ZNF644: variants seen among roughly 807,000 people sequenced by gnomAD.
ZNF644 encodes zinc finger motif enhancer binding protein 2.
A neutral mutation model predicts 108.0 loss-of-function variants in ZNF644; 20 were observed. That is an observed-to-expected ratio of 0.19 (90% CI 0.13 to 0.27). The LOEUF (loss-of-function observed/expected upper bound fraction) is 0.27, where lower values mean the gene tolerates loss of function less well. Among genes scored for constraint, ZNF644 ranks in the 10% least tolerant of loss-of-function variants. The probability of loss-of-function intolerance (pLI) is 1.00; values close to 1 mark genes in which losing one functional copy is unlikely to be tolerated. For missense variants in ZNF644, 1,338 were observed against 1,548.9 expected, an observed-to-expected ratio of 0.86 and a Z score of 2.29; for synonymous variants, 542 against 539.1, an observed-to-expected ratio of 1.01 and a Z score of -0.08.
chr1:90,930,155 G>A (rs922339810), intron 4 of ZNF644, among the ~76,000 whole-genome samples: 4 of 152,062 alleles, frequency 2.6e-5, no homozygotes, highest in African/African-American at 7.2e-5. Context: ...GCGTGATGGC[G>A]TGTGCCTGTA....
At chr1:90,970,680 T>C (rs950214072) in intron 2 of ZNF644, among the ~76,000 whole-genome samples, 1 of 152,172 alleles carries the variant, frequency 6.6e-6, no homozygotes, top group African/African-American at 2.4e-5. Context: ...AGATATCATA[T>C]GATTATCAAG....
intron 2 of ZNF644, among the ~76,000 whole-genome samples, chr1:90,947,734 C>A (rs1377439499): frequency 6.6e-6 from 1 of 152,028 alleles, no homozygotes; most frequent in Non-Finnish European, 1.5e-5. Flanking sequence ...AATGGGGTTA[C>A]CTCCCAATAA....
At chr1:91,005,180 G>A (rs1405653663) in intron 1 of ZNF644, among the ~76,000 whole-genome samples, 1 of 152,108 alleles carries the variant, frequency 6.6e-6, no homozygotes, top group African/African-American at 2.4e-5. Context: ...GAGAGTTGAT[G>A]CAGCTATTCT....
intron 1 of ZNF644, among the ~76,000 whole-genome samples, chr1:91,007,420 G>C (rs2101730336): frequency 6.6e-6 from 1 of 151,604 alleles, no homozygotes; most frequent in African/African-American, 2.4e-5. Flanking sequence ...TACCATGTTG[G>C]CCAGGCTGTT....
chr1:90,945,533 C>A lies in ZNF644; in HGVS notation c.45-4224G>T, dbSNP rs532167724. 7.9e-5 allele frequency among the ~76,000 whole-genome samples: 12 copies of A among 152,180 alleles called. No individual in the cohort carries two copies. In the South Asian group the frequency reaches 2.5e-3, roughly 32 times the overall value. The stretch of plus-strand genomic sequence containing the variant: ...GACTTATTGTCTCAGAAATCTCAAA[C>A]ATCAGTATTTTTGCAAACTATCAGC... On this transcript the variant is annotated intron_variant, in intron 2 of 5. Coordinates refer to ENST00000337393, the MANE Select transcript of ZNF644 (RefSeq NM_201269.3).
chr1:91,013,275 C>T (rs1186797253), intron 1 of ZNF644, among the ~76,000 whole-genome samples: 1 of 151,974 alleles, frequency 6.6e-6, no homozygotes, highest in Non-Finnish European at 1.5e-5. Flanking sequence ...GATATTTCAT[C>T]ATATTGGCCA....
intron 4 of ZNF644, among the ~76,000 whole-genome samples, chr1:90,931,629 C>T (rs1199043347): frequency 2.0e-5 from 3 of 152,102 alleles, no homozygotes; most frequent in Non-Finnish European, 4.4e-5. Flanking sequence ...CTGGGCAAAA[C>T]TTTAATCTGT....
At chr1:90,925,157 A>G (rs1649882634) in intron 4 of ZNF644, among the ~76,000 whole-genome samples, 1 of 152,144 alleles carries the variant, frequency 6.6e-6, no homozygotes, top group African/African-American at 2.4e-5. Context: ...CAGGCCCAGA[A>G]AGACTGGAGT....
intron 1 of ZNF644, among the ~76,000 whole-genome samples, chr1:91,020,255 G>C (rs1440641399): frequency 6.6e-6 from 1 of 151,958 alleles, no homozygotes; most frequent in Non-Finnish European, 1.5e-5. Flanking sequence ...AAAGAACAAG[G>C]AAATGAAAGT....
chr1:90,925,171 G>A lies in ZNF644; in HGVS notation c.3689-7017C>T, dbSNP rs146995916. ...CCAGGCCCAGAAAGACTGGAGTAGG[G>A]GACTTCAGTCACTTGACTCTCATGC... On this transcript the variant is annotated intron_variant, in intron 4 of 5. Transcript: ENST00000337393. Among the ~76,000 whole-genome samples the A allele has an allele frequency of 4.5e-3, 678 of 152,242 alleles. 3 individuals are homozygous for A. Among genetic ancestry groups the A allele is most frequent in the African/African-American group, 0.014 (585 of 41,538 alleles).
intron 4 of ZNF644, among the ~76,000 whole-genome samples, chr1:90,935,967 G>A (rs892308627): frequency 1.3e-5 from 2 of 152,146 alleles, no homozygotes; most frequent in Non-Finnish European, 2.9e-5. Context: ...CCACAAAACC[G>A]TAAAAGTCTC....
intron 2 of ZNF644, among the ~76,000 whole-genome samples, chr1:90,976,612 T>C (rs983528813): frequency 4.6e-5 from 7 of 152,240 alleles, no homozygotes; most frequent in Non-Finnish European, 1.5e-5. Flanking sequence ...GAAACTTTTA[T>C]ACTAAAGACA....
At position 90,918,174 on chromosome 1, in the gene ZNF644, G is replaced by T; in HGVS notation, c.3689-20C>A. The T allele has an allele frequency of 6.3e-7, 1 of 1,584,132 alleles. No homozygotes were observed. Among genetic ancestry groups the T allele is most frequent in the Non-Finnish European group, 8.7e-7 (1 of 1,152,956 alleles). ...CTAAGGCTAAAAAGGGGAAGAGAAA[G>T]ACTTAACATTCCTTATATATTTCAA... On this transcript the variant is annotated intron_variant, in intron 4 of 5. Transcript: ENST00000337393.
chr1:90,980,509 GA>G (rs1379423126), intron 2 of ZNF644, among the ~76,000 whole-genome samples: 1 of 152,124 alleles, frequency 6.6e-6, no homozygotes, highest in Non-Finnish European at 1.5e-5. Context: ...GTAGAAGAAG[GA>G]AAAGAGTATA....
chr1:90,999,212 G>A (rs36048407), intron 1 of ZNF644, among the ~76,000 whole-genome samples: 24,579 of 152,020 alleles, frequency 0.16, 2,226 homozygotes, highest in Middle Eastern at 0.28. Flanking sequence ...GATACTCCTC[G>A]AGAAGAGCAA....
At chr1:90,980,126 T>C (rs1656399328) in intron 2 of ZNF644, among the ~76,000 whole-genome samples, 1 of 152,204 alleles carries the variant, frequency 6.6e-6, no homozygotes, top group Non-Finnish European at 1.5e-5. Flanking sequence ...ATTTACTGAA[T>C]GCACACAGTA....
chr1:90,950,305 G>GGGAGGGCAGGGCAGGGCAGGGCAGGGCA, intron 2 of ZNF644, among the ~76,000 whole-genome samples: 1 of 46,628 alleles, frequency 2.1e-5, no homozygotes, highest in Non-Finnish European at 4.6e-5. Context: ...GGGAGGGGAG[G>GGGAGGGCAGGGCAGGGCAGGGCAGGGCA]GGACAAAAGA....
intron 2 of ZNF644, among the ~76,000 whole-genome samples, chr1:90,955,511 C>T (rs961616248): frequency 2.6e-5 from 4 of 152,226 alleles, no homozygotes; most frequent in African/African-American, 9.6e-5. Context: ...TAGATCTCCT[C>T]GGTAATTTGC....
At chr1:90,995,089 G>A (rs887151850) in intron 1 of ZNF644, among the ~76,000 whole-genome samples, 2 of 151,866 alleles carry the variant, frequency 1.3e-5, no homozygotes, top group African/African-American at 4.8e-5. Flanking sequence ...CCCAGACTCA[G>A]GAAAAAAGAA....
Sources: gnomAD v4.1 joint callset for allele counts (sites outside exome capture counted in the v4.1 genomes callset) on GRCh38, gnomAD v4.1.1 for gene constraint, MANE v1.5 for transcripts, NCBI Gene and HGNC (gene_info 2026-07-23, HGNC 2026-07-21) for gene names.